SOS2: variants seen among roughly 807,000 people sequenced by gnomAD.
SOS2 encodes son of sevenless homolog 2.
In SOS2, 65 loss-of-function variants were observed where a neutral mutation model predicts 148.2. The ratio of observed to expected loss-of-function variants is 0.44; its 90% CI spans 0.36 to 0.54. The LOEUF (loss-of-function observed/expected upper bound fraction) is 0.54, where lower values mean the gene tolerates loss of function less well. SOS2 is among the 20% of genes least tolerant of loss of function. The pLI is 0.00. For missense variants in SOS2, 1,341 were observed against 1,590.2 expected (o/e 0.84, Z 2.67); for synonymous variants, 539 against 537.1 (o/e 1.00, Z -0.05).
At chr14:50,124,224 T>C (rs897512721) in intron 21 of SOS2, among the ~76,000 whole-genome samples, 5 of 151,946 alleles carry the variant, frequency 3.3e-5, no homozygotes, top group African/African-American at 9.7e-5. Flanking sequence ...ACCAAGTGAG[T>C]GAGAAGAGGT....
intron 7 of SOS2, among the ~76,000 whole-genome samples, chr14:50,176,035 A>G (rs1228241260): frequency 6.6e-6 from 1 of 152,176 alleles, no homozygotes; most frequent in Admixed American, 6.6e-5. Context: ...CTAATCCCCA[A>G]TGCAACAGTA....
chr14:50,170,478 G>A (rs1403189363), intron 8 of SOS2, among the ~76,000 whole-genome samples: 1 of 151,852 alleles, frequency 6.6e-6, no homozygotes, highest in Non-Finnish European at 1.5e-5. Flanking sequence ...TTGAGCCTAG[G>A]AGTTCAAGAC....
intron 11 of SOS2, 73 bp from the exon 12 acceptor site, chr14:50,157,194 C>T (rs1376281720): frequency 6.6e-7 from 1 of 1,526,010 alleles, no homozygotes; most frequent in Non-Finnish European, 8.8e-7. Flanking sequence ...CAGCAAGCAA[C>T]CTTCTTTCCT....
At chr14:50,167,111 T>C (rs953482723) in intron 8 of SOS2, among the ~76,000 whole-genome samples, 3 of 152,080 alleles carry the variant, frequency 2.0e-5, no homozygotes, top group Non-Finnish European at 2.9e-5. Flanking sequence ...ACGTGCTTTT[T>C]TAAAAAAAAC....
chr14:50,130,779 T>A lies in SOS2; in HGVS notation c.3076-17A>T, dbSNP rs200184350. 2.9e-4 allele frequency: 460 copies of A among 1,582,160 alleles called. No homozygotes were observed. The highest frequency in any genetic ancestry group is 3.8e-4 in the Non-Finnish European group (445 of 1,166,236). On this transcript the variant is annotated splice_polypyrimidine_tract_variant and intron_variant, in intron 19 of 22. Transcript: ENST00000216373. ...TTTCCTAGGCTGAGAAAAGCAAACA[T>A]AATTAATGTCACAAATTTGCATAGA...
chr14:50,226,752 C>T (rs1198482112), intron 1 of SOS2, among the ~76,000 whole-genome samples: 1 of 152,112 alleles, frequency 6.6e-6, no homozygotes, highest in Non-Finnish European at 1.5e-5. Flanking sequence ...GTGAAAAACA[C>T]CTTACAGAAA....
chr14:50,139,339 C>A (rs544277437), intron 17 of SOS2, among the ~76,000 whole-genome samples: 16 of 152,200 alleles, frequency 1.1e-4, no homozygotes, highest in African/African-American at 3.9e-4. Flanking sequence ...ATTGGTGGTT[C>A]TCAGCTGGGG....
At chr14:50,161,789 CTTTTT>C (rs36219580) in intron 8 of SOS2, among the ~76,000 whole-genome samples, 180 bp from the exon 9 acceptor site, 4 of 135,312 alleles carry the variant, frequency 3.0e-5, no homozygotes, top group Admixed American at 7.3e-5. Flanking sequence ...CTTTTTCTTT[CTTTTT>C]TTTTTTTTTT....
intron 21 of SOS2, among the ~76,000 whole-genome samples, chr14:50,123,636 G>C (rs1165460291): frequency 2.0e-5 from 3 of 151,716 alleles, no homozygotes; most frequent in Admixed American, 1.3e-4. Context: ...GCCTGCCTTG[G>C]CCTCCCAAAG....
intron 8 of SOS2, among the ~76,000 whole-genome samples, chr14:50,164,538 T>A (rs1885112803): frequency 6.6e-6 from 1 of 151,262 alleles, no homozygotes; most frequent in Non-Finnish European, 1.5e-5. Flanking sequence ...GGCTGAGGCA[T>A]GAGAATCACT....
Position 50,150,042 on chromosome 14 carries a change from G to A in SOS2, c.2350C>T (p.Arg784Cys), listed in dbSNP as rs760520078. ...LMTLHPIEIARQLTLLESDLY... is the reference protein window; with the variant it reads ...LMTLHPIEIACQLTLLESDLY... ...TCAGACTCCAAAAGTGTCAGCTGAC[G>A]TGCAATTTCTATTGGATGAAGTGTC... Residue 784 changes from arginine (R) to cysteine (C), a missense_variant, in exon 14 of 23, where the codon CGT becomes TGT. Arg to Cys is a radical substitution (Grantham distance 180). Around this residue, in one of 4 missense-constraint regions of SOS2, gnomAD observed 408 missense variants for 506.6 expected, o/e 0.81. Transcript: ENST00000216373. The A allele has an allele frequency of 1.3e-5, 21 of 1,613,182 alleles. No individual in the cohort carries two copies. Among genetic ancestry groups the A allele is most frequent in the Non-Finnish European group, 8.5e-7 (1 of 1,179,282 alleles).
chr14:50,179,750 T>C (rs556285319), intron 7 of SOS2, among the ~76,000 whole-genome samples: 3 of 152,222 alleles, frequency 2.0e-5, no homozygotes, highest in Non-Finnish European at 4.4e-5. Flanking sequence ...AGTGTTGAGA[T>C]AGTAAAAATA....
chr14:50,173,527 T>G (rs1420632834), intron 8 of SOS2, among the ~76,000 whole-genome samples: 2 of 152,068 alleles, frequency 1.3e-5, no homozygotes, highest in Non-Finnish European at 2.9e-5. Context: ...GTTCACACCA[T>G]TCTCCTGCCT....
At chr14:50,135,633 T>C (rs1884051276) in intron 18 of SOS2, among the ~76,000 whole-genome samples, 1 of 143,666 alleles carries the variant, frequency 7.0e-6, no homozygotes, top group East Asian at 2.0e-4. Context: ...CTTTTTTCAA[T>C]GTGGTTTGCT....
At chr14:50,157,509 C>T (rs1227659383) in intron 11 of SOS2, among the ~76,000 whole-genome samples, 1 of 151,820 alleles carries the variant, frequency 6.6e-6, no homozygotes, top group Non-Finnish European at 1.5e-5. Context: ...AAGAGAGGGC[C>T]AAAACCGAAT....
In SOS2 at chr14:50,198,897, G is replaced by GCCTA. The variant is rs541244625; in HGVS notation, c.510+790_510+793dup. On this transcript the variant is annotated intron_variant, in intron 4 of 22. Coordinates refer to ENST00000216373, the MANE Select transcript of SOS2 (RefSeq NM_006939.4). ...AGCTTCAGTGGGTGCAGTGGCTCAT[G>GCCTA]CCTATAATCCCAACACTTTGGGAGG... Among the ~76,000 whole-genome samples, 99 of 152,342 alleles carry GCCTA rather than the reference G, an allele frequency of 6.5e-4. 1 individual carries two copies. In the East Asian group the frequency reaches 0.013, roughly 19 times the overall value.
At chr14:50,171,051 T>C (rs915371772) in intron 8 of SOS2, among the ~76,000 whole-genome samples, 12 of 150,794 alleles carry the variant, frequency 8.0e-5, no homozygotes, top group African/African-American at 2.9e-4. Context: ...GAGGCGGAGG[T>C]TGCAGTGAGC....
At chr14:50,191,668 A>C (rs890645431) in intron 4 of SOS2, among the ~76,000 whole-genome samples, 1 of 152,214 alleles carries the variant, frequency 6.6e-6, no homozygotes, top group South Asian at 2.1e-4. Context: ...TCAGGCAAGT[A>C]ACATTATAAT....
At chr14:50,208,380 G>A (rs777302182) in intron 1 of SOS2, among the ~76,000 whole-genome samples, 7 of 152,054 alleles carry the variant, frequency 4.6e-5, no homozygotes, top group Non-Finnish European at 7.4e-5. Flanking sequence ...GGCTGGGTGC[G>A]GTGGCTCAGA....
Sources: allele counts gnomAD v4.1 joint callset (sites outside exome capture counted in the v4.1 genomes callset), GRCh38; gene constraint gnomAD v4.1.1; regional missense constraint gnomAD v4.1.1; transcripts MANE v1.5; gene names NCBI Gene and HGNC (gene_info 2026-07-23, HGNC 2026-07-21).